WIPF2: variants seen among roughly 807,000 people sequenced by gnomAD.
The protein encoded by WIPF2 is WAS/WASL interacting protein family member 2.
In WIPF2, 23 loss-of-function variants were observed where a neutral mutation model predicts 38.8. The ratio of observed to expected loss-of-function variants is 0.59; its 90% confidence interval spans 0.43 to 0.84. The LOEUF is 0.84. WIPF2 is among the 40% of genes least tolerant of loss of function. WIPF2 has a pLI of 0.00. For synonymous variants in WIPF2, 210 were observed against 223.2 expected, an observed-to-expected ratio of 0.94 and a Z score of 0.53; for missense variants, 574 against 580.5, an observed-to-expected ratio of 0.99 and a Z score of 0.11.
Position 40,260,540 on chromosome 17 carries a change from C to A in WIPF2, c.69C>A (p.Asn23Lys). The A allele has an allele frequency of 6.2e-7, 1 of 1,613,838 alleles. No individual in the cohort carries two copies. Among genetic ancestry groups the A allele is most frequent in the Non-Finnish European group, 8.5e-7 (1 of 1,179,940 alleles). Residue 23 changes from asparagine (N) to lysine (K), a missense_variant, in exon 3 of 8, where the codon AAC (asparagine) becomes AAA (lysine). Asn to Lys is a moderately conservative substitution (Grantham distance 94, BLOSUM62 0). Coordinates refer to ENST00000323571, the MANE Select transcript of WIPF2 (RefSeq NM_133264.5). ...ATATTTCTCTTATCCTCCAGGCAAA[C>A]ACAGAGCAGCCCAAGCTGAGTAGAG... ...PPPPPTFHQA[N>K]TEQPKLSRDE...
At chr17:40,235,186 C>T (rs1353909481) in intron 1 of WIPF2, among the ~76,000 whole-genome samples, 3 of 152,112 alleles carry the variant, frequency 2.0e-5, no homozygotes, top group Admixed American at 1.3e-4. Context: ...TGAGCCACCA[C>T]GCCCAGCCCA....
intron 1 of WIPF2, among the ~76,000 whole-genome samples, chr17:40,236,267 G>C (rs1172815607): frequency 1.3e-5 from 2 of 150,288 alleles, no homozygotes; most frequent in African/African-American, 4.9e-5. Flanking sequence ...ACTGTGCCCA[G>C]CCTAGATATA....
intron 1 of WIPF2, among the ~76,000 whole-genome samples, chr17:40,239,698 T>C (rs891299053): frequency 4.5e-4 from 66 of 145,178 alleles, no homozygotes; most frequent in Non-Finnish European, 8.2e-4. Context: ...TTTCTTTTTT[T>C]TTTTTTTTTT....
chr17:40,239,141 G>A (rs1028399563), intron 1 of WIPF2, among the ~76,000 whole-genome samples: 6 of 150,766 alleles, frequency 4.0e-5, no homozygotes, highest in East Asian at 1.9e-4. Context: ...GTGCGATCTC[G>A]GCTCACTGCA....
intron 7 of WIPF2, among the ~76,000 whole-genome samples, chr17:40,277,802 C>T (rs987834994): frequency 4.1e-5 from 6 of 146,738 alleles, no homozygotes; most frequent in Non-Finnish European, 7.4e-5. Flanking sequence ...CTCGGCTCAC[C>T]CCAAACCTCT....
chr17:40,254,813 C>T (rs777732469), intron 1 of WIPF2, among the ~76,000 whole-genome samples: 3 of 151,960 alleles, frequency 2.0e-5, no homozygotes, highest in African/African-American at 7.3e-5. Context: ...CTCACTGCAC[C>T]TCCACCTCCC....
At chr17:40,267,359 T>A (rs2032119331) in intron 5 of WIPF2, among the ~76,000 whole-genome samples, 1 of 152,122 alleles carries the variant, frequency 6.6e-6, no homozygotes, top group Admixed American at 6.6e-5. Context: ...TTAGGAACCC[T>A]GGAAAAAGAA....
chr17:40,234,684 A>G (rs1352924291), intron 1 of WIPF2, among the ~76,000 whole-genome samples: 1 of 152,142 alleles, frequency 6.6e-6, no homozygotes, highest in East Asian at 1.9e-4. Flanking sequence ...TGCTTACAAG[A>G]CCATTGGAAG....
intron 4 of WIPF2, among the ~76,000 whole-genome samples, chr17:40,263,686 G>C (rs2031987093): frequency 6.6e-6 from 1 of 151,294 alleles, no homozygotes; most frequent in Non-Finnish European, 1.5e-5. Flanking sequence ...GGGATTACAG[G>C]CACAGGCCAC....
chr17:40,228,595 G>GCAGGGGATA (rs1210337212), intron 1 of WIPF2, among the ~76,000 whole-genome samples: 1 of 151,656 alleles, frequency 6.6e-6, no homozygotes, highest in East Asian at 1.9e-4. Flanking sequence ...GGTAGGGGAT[G>GCAGGGGATA]CAGGGGATGC....
chr17:40,241,832 A>G (rs1258852293), intron 1 of WIPF2, among the ~76,000 whole-genome samples: 1 of 152,166 alleles, frequency 6.6e-6, no homozygotes, highest in Non-Finnish European at 1.5e-5. Flanking sequence ...ACGCCTAGAA[A>G]AGAAAAAGGG....
At chr17:40,243,357 G>A (rs8072718) in intron 1 of WIPF2, among the ~76,000 whole-genome samples, 13,976 of 152,038 alleles carry the variant, frequency 0.092, 2,183 homozygotes, top group African/African-American at 0.32. Flanking sequence ...CACATTAGTG[G>A]GGAAAGCTGC....
intron 1 of WIPF2, among the ~76,000 whole-genome samples, chr17:40,239,129 T>TG (rs1288571758): frequency 1.3e-5 from 2 of 151,394 alleles, no homozygotes. Flanking sequence ...TGGAATGCAG[T>TG]GGTGCGATCT....
rs762490491 is a variant in WIPF2 at position 40,277,127 on chromosome 17, C to A, written c.1225C>A (p.Pro409Thr). The change falls in exon 7 of 8, where the codon CCT becomes ACT. Residue 409 changes from proline to threonine, a missense_variant. Pro to Thr is a conservative substitution (Grantham distance 38). Coordinates refer to ENST00000323571, the MANE Select transcript of WIPF2 (RefSeq NM_133264.5). ...TTCCTTCCATCCAGTAGAAGACTTT[C>A]CTGCTCCAGAAGAATATAAACACTT... The part of the protein sequence containing the change: ...KYSFHPVEDF[P>T]APEEYKHFQR... 1 of 1,613,458 alleles carries A rather than the reference C, an allele frequency of 6.2e-7. No individual in the cohort carries two copies. Among genetic ancestry groups the A allele is most frequent in the Non-Finnish European group, 8.5e-7 (1 of 1,179,740 alleles).
chr17:40,264,079 T>C (rs1012311722), intron 4 of WIPF2, among the ~76,000 whole-genome samples: 41 of 151,658 alleles, frequency 2.7e-4, no homozygotes, highest in Admixed American at 2.0e-4. Flanking sequence ...ACGCCTGTAA[T>C]CCCATCACTT....
rs753724858 is a variant in WIPF2, at chr17:40,278,166, T to G, written c.1283-19T>G. 25 of 1,610,624 alleles carry G rather than the reference T, an allele frequency of 1.6e-5. No individual in the cohort carries two copies. The highest frequency in any genetic ancestry group is 2.1e-5 in the Non-Finnish European group (25 of 1,178,364). ...TGGGTGACCTGTATGTGTGTGGTCT[T>G]TATTTTGTTTTTTTTCAGCTGCCCG... On this transcript the variant is annotated intron_variant, in intron 7 of 7. Coordinates refer to ENST00000323571, the MANE Select transcript of WIPF2 (RefSeq NM_133264.5).
rs966283868 is a variant in WIPF2 at position 40,264,349 on chromosome 17, A to G, written c.314-141A>G. On this transcript the variant is annotated intron_variant, in intron 4 of 7. Coordinates refer to ENST00000323571, the MANE Select transcript of WIPF2 (RefSeq NM_133264.5). Reference sequence around the variant, plus strand: ...CTCAAAAAAAAAAAAAAAAAAAAAAAAAAAGAAAAACAAAAAACCCAGAAT... The same window carrying G: ...CTCAAAAAAAAAAAAAAAAAAAAAAGAAAAGAAAAACAAAAAACCCAGAAT... The G allele has an allele frequency of 9.9e-5, 67 of 675,190 alleles. No homozygotes were observed. The East Asian group carries it at 1.5e-3, about 16-fold the overall frequency. The allele number at this position is 675,190 out of a possible 1,614,324, so 41.8% of individuals were successfully genotyped here. A position where few individuals can be genotyped will look rare whatever the true frequency, so the allele number is the denominator to read the frequency against.
Position 40,227,950 on chromosome 17 carries a change from A to G in WIPF2, c.-70+8458A>G, listed in dbSNP as rs543592545. 3.3e-5 allele frequency among the ~76,000 whole-genome samples: 5 copies of G among 151,352 alleles called. No individual in the cohort carries two copies. In the East Asian group the frequency reaches 9.6e-4, roughly 29 times the overall value. ...TTTTTTTTTTGTTGTTGTTGTTTTA[A>G]TAAATGTAGCACACTGTTAATACTA... is the stretch of plus-strand genomic sequence containing the variant. On this transcript the variant is annotated intron_variant, in intron 1 of 7. Coordinates refer to ENST00000323571, the MANE Select transcript of WIPF2 (RefSeq NM_133264.5).
rs1275729962 is a variant in WIPF2, at chr17:40,280,177, C to G, written c.*1952C>G. On this transcript the variant is annotated 3_prime_UTR_variant, in exon 8 of 8. Coordinates refer to ENST00000323571, the MANE Select transcript of WIPF2 (RefSeq NM_133264.5). ...CAGAAGTATCCCTAGCATCCTGAAG[C>G]AAACAGAACTGCCGGGCGCTGTGGC... The G allele has an allele frequency of 6.6e-6, 1 of 152,140 alleles. No homozygotes were observed. The highest frequency in any genetic ancestry group is 1.5e-5 in the Non-Finnish European group (1 of 68,040). The allele number at this position is 152,140 out of a possible 1,614,324, so 9.4% of individuals were successfully genotyped here. A position where few individuals can be genotyped will look rare whatever the true frequency, so the allele number is the denominator to read the frequency against.
Sources: allele counts gnomAD v4.1 joint callset (sites outside exome capture counted in the v4.1 genomes callset), GRCh38; gene constraint gnomAD v4.1.1; transcripts MANE v1.5; gene names NCBI Gene and HGNC (gene_info 2026-07-23, HGNC 2026-07-21).